Variants in ATP10B observed in about 807,000 individuals in gnomAD.
The protein encoded by ATP10B is ATPase phospholipid transporting 10B (putative), also known as phospholipid-transporting ATPase VB.
ATP10B carries 122 observed loss-of-function variants against 141.2 expected under a neutral mutation model. The ratio of observed to expected loss-of-function variants is 0.86; its 90% CI spans 0.75 to 1.00. The LOEUF is 1.00. Ranked by LOEUF, ATP10B falls within the 50% of genes least tolerant of loss-of-function variation. ATP10B has a pLI of 0.00. For synonymous variants in ATP10B, 685 were observed against 692.0 expected (o/e 0.99, Z 0.16); for missense variants, 1,876 against 1,825.3 (o/e 1.03, Z -0.51).
At chr5:160,871,910 C>G in the ATP10B span, among the ~76,000 whole-genome samples, 4 of 152,032 alleles carry the variant, frequency 2.6e-5, no homozygotes, top group Non-Finnish European at 5.9e-5. Context: ...TGTAGACATC[C>G]AGCAGTGGGA....
In ATP10B at chr5:160,714,519, A is replaced by C. The variant is rs1193140080; in HGVS notation, c.-205+2390T>G. Among the ~76,000 whole-genome samples the C allele has an allele frequency of 1.5e-3, 102 of 67,742 alleles. 1 individual carries two copies. Among genetic ancestry groups the C allele is most frequent in the Middle Eastern group, 6.6e-3 (1 of 152 alleles). 44.4% of individuals were successfully genotyped at this position (67,742 alleles called of 152,430 possible). ...GTTATTCTAGTTATACATTCTTCTA[A>C]ATTTTTTTCAAAGTTTTCAACTTCT... On this transcript the variant is annotated intron_variant, in intron 3 of 25. Coordinates refer to ENST00000327245, the MANE Select transcript of ATP10B (RefSeq NM_025153.3).
chr5:160,661,284 A>G (rs1264590630), intron 7 of ATP10B, among the ~76,000 whole-genome samples: 1 of 152,208 alleles, frequency 6.6e-6, no homozygotes, highest in Non-Finnish European at 1.5e-5. Flanking sequence ...TATGCATTAA[A>G]AAGAGAGCTA....
chr5:160,645,219 C>T (rs200935400), intron 8 of ATP10B, among the ~76,000 whole-genome samples: 2 of 151,820 alleles, frequency 1.3e-5, no homozygotes, highest in East Asian at 3.9e-4. Flanking sequence ...AACAAATAAG[C>T]AAACAAAAGT....
In ATP10B at chr5:160,615,724, C is replaced by T. The variant is rs570833244; in HGVS notation, c.2653+114G>A. 3.7e-6 allele frequency: 5 copies of T among 1,368,794 alleles called. No individual in the cohort carries two copies. The African/African-American group carries it at 7.2e-5, about 20-fold the overall frequency. The allele number at this position is 1,368,794 out of a possible 1,614,324, so 84.8% of individuals were successfully genotyped here. A position where few individuals can be genotyped will look rare whatever the true frequency, so the allele number is the denominator to read the frequency against. On this transcript the variant is annotated intron_variant, in intron 17 of 25. Coordinates refer to ENST00000327245, the MANE Select transcript of ATP10B (RefSeq NM_025153.3). ...TGTGCCAAATACCTGGAAGGGAACC[C>T]CAGGGAAGGCTGCTAATGGAGACAT... is the stretch of plus-strand genomic sequence containing the variant.
intron 17 of ATP10B, among the ~76,000 whole-genome samples, chr5:160,615,428 A>C (rs1757943120): frequency 6.7e-6 from 1 of 149,886 alleles, no homozygotes; most frequent in African/African-American, 2.5e-5. Context: ...GTCTGTTGAA[A>C]TTGCTTGCTC....
intron 24 of ATP10B, among the ~76,000 whole-genome samples, chr5:160,580,533 C>A (rs945210387): frequency 6.6e-6 from 1 of 152,130 alleles, no homozygotes; most frequent in African/African-American, 2.4e-5. Context: ...GGTGGATAAG[C>A]TTTTTGATGT....
At chr5:160,704,835 CAG>C (rs1182576616) in intron 3 of ATP10B, among the ~76,000 whole-genome samples, 1 of 150,586 alleles carries the variant, frequency 6.6e-6, no homozygotes, top group Non-Finnish European at 1.5e-5. Flanking sequence ...TGCAGTCTCG[CAG>C]TTTTATATTA....
At chr5:160,635,728 A>G (rs889010394) in intron 11 of ATP10B, among the ~76,000 whole-genome samples, 1 of 152,198 alleles carries the variant, frequency 6.6e-6, no homozygotes, top group Non-Finnish European at 1.5e-5. Flanking sequence ...CTTCTGTCCT[A>G]TATTGGGCCA....
intron 2 of ATP10B, among the ~76,000 whole-genome samples, chr5:160,742,229 C>A (rs1209683444): frequency 2.6e-5 from 4 of 152,116 alleles, no homozygotes; most frequent in African/African-American, 9.7e-5. Flanking sequence ...ATCTTTTTCT[C>A]ATGGTTAGTA....
chr5:160,884,464 ATTTTTCT>A, the ATP10B span, among the ~76,000 whole-genome samples: 3 of 152,084 alleles, frequency 2.0e-5, no homozygotes, highest in Non-Finnish European at 4.4e-5. Context: ...TATAGTGATA[ATTTTTCT>A]TTTTAAGTTT....
intron 21 of ATP10B, among the ~76,000 whole-genome samples, chr5:160,599,290 C>T (rs1406846376): frequency 6.6e-6 from 1 of 152,076 alleles, no homozygotes; most frequent in Non-Finnish European, 1.5e-5. Context: ...GTATGGCAAG[C>T]CCCGGAATAA....
intron 3 of ATP10B, among the ~76,000 whole-genome samples, chr5:160,691,027 T>TA (rs1166257067): frequency 6.6e-6 from 1 of 152,086 alleles, no homozygotes; most frequent in Non-Finnish European, 1.5e-5. Context: ...TAGGCAGCCA[T>TA]AAAAAAGGAT....
chr5:160,638,199 G>A (rs1204616579), intron 10 of ATP10B, among the ~76,000 whole-genome samples: 1 of 152,198 alleles, frequency 6.6e-6, no homozygotes, highest in Admixed American at 6.5e-5. Context: ...TCAGAGTCCT[G>A]TGTATGAGTT....
chr5:160,819,086 C>T (rs1381202004), intron 1 of ATP10B, among the ~76,000 whole-genome samples: 5 of 151,998 alleles, frequency 3.3e-5, no homozygotes, highest in African/African-American at 7.3e-5. Context: ...CAACATGGCA[C>T]GTGTATACAT....
chr5:160,780,436 G>C (rs967129312), intron 2 of ATP10B, among the ~76,000 whole-genome samples: 4 of 152,102 alleles, frequency 2.6e-5, no homozygotes, highest in African/African-American at 7.2e-5. Context: ...AGGCAGTTGA[G>C]ATTAACCACA....
chr5:160,587,724 T>A (rs973618418), intron 24 of ATP10B, among the ~76,000 whole-genome samples: 1 of 152,250 alleles, frequency 6.6e-6, no homozygotes, highest in Non-Finnish European at 1.5e-5. Context: ...GATTTGGTGC[T>A]CTGTTTGTCT....
intron 2 of ATP10B, among the ~76,000 whole-genome samples, chr5:160,763,546 C>G (rs67880858): frequency 0.32 from 48,016 of 151,864 alleles, 7,925 homozygotes; most frequent in Non-Finnish European, 0.36. Context: ...CAAAACCTCT[C>G]GGATACAGCA....
At chr5:160,749,882 A>C (rs1768043310) in intron 2 of ATP10B, among the ~76,000 whole-genome samples, 1 of 152,180 alleles carries the variant, frequency 6.6e-6, no homozygotes, top group South Asian at 2.1e-4. Flanking sequence ...ATGGCACTCT[A>C]CCATGTGCCA....
At chr5:160,816,487 A>C (rs150941275) in intron 1 of ATP10B, among the ~76,000 whole-genome samples, 50,392 of 151,612 alleles carry the variant, frequency 0.33, 9,559 homozygotes, top group East Asian at 0.45. Context: ...CAATAACAGG[A>C]TCTGAAATTG....
Sources: allele counts gnomAD v4.1 joint callset (sites outside exome capture counted in the v4.1 genomes callset), GRCh38; gene constraint gnomAD v4.1.1; transcripts MANE v1.5; gene names NCBI Gene and HGNC (gene_info 2026-07-23, HGNC 2026-07-21).